Variants in ITGA2 observed in about 807,000 individuals in gnomAD.
The protein encoded by ITGA2 is integrin alpha-2.
ITGA2 carries 101 observed loss-of-function variants against 146.3 expected under a neutral mutation model. The ratio of observed to expected loss-of-function variants is 0.69; its 90% CI spans 0.59 to 0.81. The LOEUF (loss-of-function observed/expected upper bound fraction) is 0.81. Ranked by LOEUF, ITGA2 falls within the 40% of genes least tolerant of loss-of-function variation. ITGA2 has a pLI of 0.00. For synonymous variants in ITGA2, 477 were observed against 487.1 expected (o/e 0.98, Z 0.27); for missense variants, 1,281 against 1,402.7 (o/e 0.91, Z 1.39).
At chr5:53,015,661 A>G (rs1028207616) in intron 1 of ITGA2, among the ~76,000 whole-genome samples, 12 of 152,092 alleles carry the variant, frequency 7.9e-5, no homozygotes, top group African/African-American at 2.2e-4. Context: ...TTCTGCCTCA[A>G]TGATCTGTCT....
At chr5:53,046,553 A>G (rs1036862870) in intron 4 of ITGA2, among the ~76,000 whole-genome samples, 1 of 152,016 alleles carries the variant, frequency 6.6e-6, no homozygotes, top group Non-Finnish European at 1.5e-5. Context: ...AAAAAAGAAC[A>G]TACTGATATT....
intron 5 of ITGA2, 51 bp downstream of exon 5, chr5:53,048,528 G>A (rs928700891): frequency 1.2e-6 from 2 of 1,608,192 alleles, no homozygotes; most frequent in African/African-American, 1.3e-5. Flanking sequence ...AGTTAAAGGA[G>A]GGGGAAAAGG....
At chr5:53,004,601 C>T (rs1205106714) in intron 1 of ITGA2, among the ~76,000 whole-genome samples, 3 of 152,096 alleles carry the variant, frequency 2.0e-5, no homozygotes, top group Admixed American at 1.3e-4. Context: ...CCATTTCTAG[C>T]ATCACCTGGA....
intron 1 of ITGA2, among the ~76,000 whole-genome samples, chr5:52,993,416 G>A (rs1741070353): frequency 6.6e-6 from 1 of 152,166 alleles, no homozygotes; most frequent in Admixed American, 6.5e-5. Context: ...GTATGGTCTG[G>A]TTTGGAAGTG....
At position 53,083,406 on chromosome 5, in the gene ITGA2, T is replaced by C. The variant is rs1030757538; in HGVS notation, c.3211T>C (p.Tyr1071His). 3.1e-6 allele frequency: 5 copies of C among 1,613,440 alleles called. No individual in the cohort carries two copies. The African/African-American group carries it at 6.7e-5, about 22-fold the overall frequency. ...GAAAGACGTTCACATGAAAGGAGAA[T>C]ACTTTGTTAATGTGACTACCAGAAT... ...WLKDVHMKGEYFVNVTTRIWN... is the reference protein window; with the variant it reads ...WLKDVHMKGEHFVNVTTRIWN... The change falls in exon 27 of 30, where the codon TAC (tyrosine) becomes CAC (histidine). Residue 1071 changes from tyrosine to histidine, a missense_variant. Tyr to His is a moderately conservative substitution (Grantham distance 83). Coordinates refer to ENST00000296585, the MANE Select transcript of ITGA2 (RefSeq NM_002203.4).
rs114803267 is a variant in ITGA2, at chr5:52,993,763, A to G, written c.64+4231A>G. On this transcript the variant is annotated intron_variant, in intron 1 of 29. Coordinates refer to ENST00000296585, the MANE Select transcript of ITGA2 (RefSeq NM_002203.4). Reference sequence around the variant, plus strand: ...AAGAATTTCAGGAAGAATGGGGAAAATATTTGGGGCCAAAAGTGTCCAGGC... The same window carrying G: ...AAGAATTTCAGGAAGAATGGGGAAAGTATTTGGGGCCAAAAGTGTCCAGGC... Among the ~76,000 whole-genome samples, 526 of 152,332 alleles carry G rather than the reference A, an allele frequency of 3.5e-3. 1 individual carries two copies. The highest frequency in any genetic ancestry group is 4.6e-3 in the Admixed American group (71 of 15,300).
chr5:53,048,995 A>G (rs1319099804), intron 6 of ITGA2, among the ~76,000 whole-genome samples: 1 of 151,392 alleles, frequency 6.6e-6, no homozygotes, highest in Non-Finnish European at 1.5e-5. Flanking sequence ...CACAAGCATT[A>G]AAGGTATGGG....
At chr5:53,003,592 A>G (rs1007359995) in intron 1 of ITGA2, among the ~76,000 whole-genome samples, 1 of 152,154 alleles carries the variant, frequency 6.6e-6, no homozygotes, top group Non-Finnish European at 1.5e-5. Context: ...AACCATCCCA[A>G]AAGAAACTGG....
At chr5:53,044,945 C>A (rs879418139) in intron 3 of ITGA2, 56 bp from the exon 4 acceptor site, 11 of 1,296,116 alleles carry the variant, frequency 8.5e-6, no homozygotes, top group Non-Finnish European at 1.2e-5. Flanking sequence ...CTTTTAATAT[C>A]TTTAAGTAAA....
chr5:53,010,288 G>C (rs1474807272), intron 1 of ITGA2, among the ~76,000 whole-genome samples: 3 of 152,228 alleles, frequency 2.0e-5, no homozygotes, highest in Non-Finnish European at 4.4e-5. Context: ...CAGAGGAGCT[G>C]TTGAGAGCCC....
chr5:53,010,912 G>A (rs919142966), intron 1 of ITGA2, among the ~76,000 whole-genome samples: 4 of 152,098 alleles, frequency 2.6e-5, no homozygotes, highest in Admixed American at 1.3e-4. Flanking sequence ...TTGTAAGAGT[G>A]GGGCAGAGGG....
At position 53,075,096 on chromosome 5, in the gene ITGA2, A is replaced by G; in HGVS notation, c.2700A>G (p.Gln900=). The G allele has an allele frequency of 6.2e-7, 1 of 1,612,082 alleles. No individual in the cohort carries two copies. ...TFTINFDFNL[Q]NLQNQASLSF... ...CTATTAACTTTGACTTCAATCTTCA[A>G]AACCTTCAGAATCAGGCGTCTCTCA... The change falls in exon 22 of 30, where the codon CAA becomes CAG. Residue 900 remains glutamine, a synonymous_variant. Coordinates refer to ENST00000296585, the MANE Select transcript of ITGA2 (RefSeq NM_002203.4).
At chr5:53,079,887 A>T (rs1745833928) in intron 24 of ITGA2, among the ~76,000 whole-genome samples, 1 of 152,120 alleles carries the variant, frequency 6.6e-6, no homozygotes, top group Admixed American at 6.6e-5. Flanking sequence ...TGTTATTTAA[A>T]ATATTTAAAT....
At chr5:53,009,692 G>T (rs1742029432) in intron 1 of ITGA2, among the ~76,000 whole-genome samples, 1 of 152,018 alleles carries the variant, frequency 6.6e-6, no homozygotes, top group Non-Finnish European at 1.5e-5. Context: ...GAGTGTTATG[G>T]ACTGAATGTT....
intron 12 of ITGA2, among the ~76,000 whole-genome samples, chr5:53,062,522 A>G (rs1439887355): frequency 6.6e-6 from 1 of 151,868 alleles, no homozygotes; most frequent in East Asian, 1.9e-4. Context: ...ATTACTTCAG[A>G]ATCTCTAGAA....
At chr5:53,002,283 G>T (rs1034239332) in intron 1 of ITGA2, among the ~76,000 whole-genome samples, 2 of 151,766 alleles carry the variant, frequency 1.3e-5, no homozygotes, top group Non-Finnish European at 2.9e-5. Context: ...CTTTAACTGT[G>T]AAGTAAATGT....
chr5:53,020,655 C>T, intron 1 of ITGA2, among the ~76,000 whole-genome samples: 1 of 151,044 alleles, frequency 6.6e-6, no homozygotes, highest in Admixed American at 6.6e-5. Context: ...TATCCTGATT[C>T]TTATTTTTAT....
intron 7 of ITGA2, among the ~76,000 whole-genome samples, chr5:53,052,424 C>A (rs1034203271): frequency 3.3e-5 from 5 of 152,082 alleles, no homozygotes; most frequent in Non-Finnish European, 7.4e-5. Context: ...AAACCAGATA[C>A]CTTCACAAAA....
chr5:53,032,612 T>C (rs151135839), intron 2 of ITGA2, among the ~76,000 whole-genome samples: 1 of 152,308 alleles, frequency 6.6e-6, no homozygotes, highest in African/African-American at 2.4e-5. Flanking sequence ...AGTGACAGGA[T>C]GTAGTTGGCA....
Sources: allele counts gnomAD v4.1 joint callset (sites outside exome capture counted in the v4.1 genomes callset), GRCh38; gene constraint gnomAD v4.1.1; transcripts MANE v1.5; gene names NCBI Gene and HGNC (gene_info 2026-07-23, HGNC 2026-07-21).